RLF: variants seen among roughly 807,000 people sequenced by gnomAD.
RLF encodes the protein zinc finger protein Rlf.
In RLF, 7 loss-of-function variants were observed where a neutral mutation model predicts 162.9. That is an observed-to-expected ratio of 0.04 (90% CI 0.02 to 0.08). The LOEUF (loss-of-function observed/expected upper bound fraction) is 0.08, where lower values mean the gene tolerates loss of function less well. Among genes scored for constraint, RLF ranks in the 10% least tolerant of loss-of-function variants. The pLI is 1.00. For synonymous variants in RLF, 782 were observed against 791.5 expected (o/e 0.99, Z 0.20); for missense variants, 1,664 against 2,244.7 (o/e 0.74, Z 5.23).
At chr1:40,195,061 C>A (rs958505429) in intron 3 of RLF, among the ~76,000 whole-genome samples, 1 of 151,628 alleles carries the variant, frequency 6.6e-6, no homozygotes, top group Non-Finnish European at 1.5e-5. Context: ...TCTTGAACTC[C>A]TGACCTCAGA....
chr1:40,184,889 T>G (rs865963897), intron 1 of RLF, among the ~76,000 whole-genome samples: 3 of 152,014 alleles, frequency 2.0e-5, no homozygotes, highest in East Asian at 1.9e-4. Context: ...GAGGTCATCT[T>G]TATCATTTAT....
intron 5 of RLF, among the ~76,000 whole-genome samples, chr1:40,211,944 A>G (rs1642871062): frequency 6.6e-6 from 1 of 152,210 alleles, no homozygotes; most frequent in Non-Finnish European, 1.5e-5. Context: ...TCAGTCTCTT[A>G]TCCTAGTGAT....
chr1:40,186,792 T>A (rs1642487546), intron 1 of RLF, among the ~76,000 whole-genome samples: 1 of 152,160 alleles, frequency 6.6e-6, no homozygotes, highest in Non-Finnish European at 1.5e-5. Context: ...GTGAATGTAT[T>A]CAGCAGACAT....
In RLF at chr1:40,161,425, C is replaced by G. The variant is rs965833391; in HGVS notation, c.26C>G (p.Ala9Gly). The G allele has an allele frequency of 1.3e-6, 2 of 1,550,976 alleles. No individual in the cohort carries two copies. Among genetic ancestry groups the G allele is most frequent in the East Asian group, 2.4e-5 (1 of 41,242 alleles). Reference protein sequence around the residue: MADGKGDAAAVAGAGAEAP... With the variant: MADGKGDAGAVAGAGAEAP... ...ATGGCGGACGGAAAGGGAGACGCCG[C>G]CGCTGTCGCCGGGGCTGGGGCTGAG... is the stretch of plus-strand genomic sequence containing the variant. Residue 9 changes from alanine (A) to glycine (G), a missense_variant, in exon 1 of 8, where the codon GCC becomes GGC. Physicochemically the swap from Ala to Gly is moderately conservative, Grantham distance 60. This residue lies in a region of RLF where 134 missense variants were observed against 124.3 expected (regional missense o/e 1.08). Coordinates refer to ENST00000372771, the MANE Select transcript of RLF (RefSeq NM_012421.4). The surrounding 1 kb of genome is among the most constrained non-coding windows in gnomAD (Gnocchi z 4.4).
intron 1 of RLF, among the ~76,000 whole-genome samples, chr1:40,177,591 C>T (rs1178604817): frequency 1.3e-5 from 2 of 152,044 alleles, no homozygotes; most frequent in African/African-American, 2.4e-5. Context: ...CTGCACCGGC[C>T]AACAGTGTAT....
Position 40,240,451 on chromosome 1 carries a change from G to A in RLF, c.*4G>A, listed in dbSNP as rs370100737. 37 of 1,603,078 alleles carry A rather than the reference G, an allele frequency of 2.3e-5. No homozygotes were observed. The African/African-American group carries it at 4.0e-4, about 17-fold the overall frequency. On this transcript the variant is annotated 3_prime_UTR_variant, in exon 8 of 8. Transcript: ENST00000372771. The stretch of plus-strand genomic sequence containing the variant: ...GCTTTGTGTAGGAAGTTCATAAGTA[G>A]CAATTTTGTTTTAGTAACAGACTGG...
At chr1:40,204,388 G>A (rs1642761203) in intron 5 of RLF, among the ~76,000 whole-genome samples, 1 of 151,734 alleles carries the variant, frequency 6.6e-6, no homozygotes, top group South Asian at 2.1e-4. Context: ...CCTACTCTAT[G>A]TGTTTACCTG....
chr1:40,186,107 G>A (rs1044594272), intron 1 of RLF, among the ~76,000 whole-genome samples: 3 of 151,890 alleles, frequency 2.0e-5, no homozygotes, highest in Admixed American at 2.0e-4. Flanking sequence ...GCAGTGAGCC[G>A]AGATTTCACC....
At chr1:40,182,928 T>G (rs1034773995) in intron 1 of RLF, among the ~76,000 whole-genome samples, 7 of 152,208 alleles carry the variant, frequency 4.6e-5, no homozygotes, top group Non-Finnish European at 1.0e-4. Context: ...AACTTTCTGG[T>G]TGTAAGCAGC....
chr1:40,163,599 GT>G (rs990741966), intron 1 of RLF, among the ~76,000 whole-genome samples: 46 of 152,004 alleles, frequency 3.0e-4, no homozygotes, highest in African/African-American at 7.7e-4. Context: ...TTTCTATGAA[GT>G]TTTTTTTAAC....
intron 5 of RLF, among the ~76,000 whole-genome samples, chr1:40,219,799 G>A (rs936648172): frequency 3.9e-5 from 6 of 152,212 alleles, no homozygotes; most frequent in Admixed American, 2.0e-4. Flanking sequence ...AAGAATGTTA[G>A]TATTTGCTGA....
In RLF at chr1:40,239,229, A is replaced by C. The variant is rs758052474; in HGVS notation, c.4527A>C (p.Arg1509Ser). The change falls in exon 8 of 8, where the codon AGA becomes AGC. Residue 1509 changes from arginine (R) to serine (S), a missense_variant. Arg to Ser is a moderately radical substitution (Grantham distance 110, BLOSUM62 -1). Around this residue, in one of 15 missense-constraint regions of RLF, gnomAD observed 200 missense variants for 207.3 expected, o/e 0.96. Transcript: ENST00000372771. ...GGCATGAACATCAGACCACCAGGAG[A>C]TCATTTAATGCTAAGTCTAAAAAAT... ...TQGHEHQTTR[R>S]SFNAKSKKCG... The C allele has an allele frequency of 1.9e-6, 3 of 1,614,200 alleles. No individual in the cohort carries two copies. Among genetic ancestry groups the C allele is most frequent in the East Asian group, 2.2e-5 (1 of 44,894 alleles).
intron 4 of RLF, among the ~76,000 whole-genome samples, chr1:40,200,934 ACACACT>A (rs1418313465): frequency 1.7e-4 from 19 of 111,544 alleles, no homozygotes; most frequent in Non-Finnish European, 3.0e-4. Context: ...ACACACACAC[ACACACT>A]GGTTTATCCT....
intron 1 of RLF, among the ~76,000 whole-genome samples, chr1:40,169,305 G>C (rs542174368): frequency 9.9e-5 from 15 of 151,966 alleles, no homozygotes; most frequent in African/African-American, 3.1e-4. Flanking sequence ...GTTTCACTCC[G>C]TATGATATAT....
At chr1:40,185,517 TAAAAAAAA>T (rs769379758) in intron 1 of RLF, among the ~76,000 whole-genome samples, 17 of 23,748 alleles carry the variant, frequency 7.2e-4, no homozygotes, top group South Asian at 5.3e-3. Context: ...AATCTTGCAT[TAAAAAAAA>T]AAAAAAAAAA....
chr1:40,171,653 A>G (rs540971841), intron 1 of RLF, among the ~76,000 whole-genome samples: 10 of 152,328 alleles, frequency 6.6e-5, no homozygotes, highest in Admixed American at 5.9e-4. Flanking sequence ...AGATTTACAA[A>G]TAGATGAATT....
intron 5 of RLF, among the ~76,000 whole-genome samples, chr1:40,215,037 T>C (rs900804157): frequency 2.0e-5 from 3 of 150,310 alleles, no homozygotes; most frequent in Non-Finnish European, 4.4e-5. Flanking sequence ...AGTCAAAAAG[T>C]GCAGCAACTC....
chr1:40,169,584 C>T (rs1642212352), intron 1 of RLF, among the ~76,000 whole-genome samples: 4 of 142,156 alleles, frequency 2.8e-5, no homozygotes, highest in African/African-American at 1.0e-4. Context: ...CCACTGCAGT[C>T]CGCAGTCCAG....
rs148770595 is a variant in RLF at position 40,176,438 on chromosome 1, T to C, written c.238-12617T>C. 1.4e-3 allele frequency among the ~76,000 whole-genome samples: 211 copies of C among 152,344 alleles called. 1 individual carries two copies. Among genetic ancestry groups the C allele is most frequent in the African/African-American group, 4.9e-3 (205 of 41,582 alleles). ...AGTTCATTGTGATTCTAATTTGCATTTCCCTAATGGCTTTTTAAAATTTTG... is the reference window on the plus strand; with the variant it reads ...AGTTCATTGTGATTCTAATTTGCATCTCCCTAATGGCTTTTTAAAATTTTG... On this transcript the variant is annotated intron_variant, in intron 1 of 7. Coordinates refer to ENST00000372771, the MANE Select transcript of RLF (RefSeq NM_012421.4).
Sources: gnomAD v4.1 joint callset for allele counts (sites outside exome capture counted in the v4.1 genomes callset) on GRCh38, gnomAD v4.1.1 for gene constraint, gnomAD v4.1.1 regional missense constraint, Gnocchi (gnomAD v3.1) non-coding constraint, MANE v1.5 for transcripts, NCBI Gene and HGNC (gene_info 2026-07-23, HGNC 2026-07-21) for gene names.